CNTNAP1: variants seen among roughly 807,000 people sequenced by gnomAD.
CNTNAP1 encodes the protein contactin-associated protein 1.
A neutral mutation model predicts 161.5 loss-of-function variants in CNTNAP1; 80 were observed. That is an observed-to-expected ratio of 0.50 (90% CI 0.41 to 0.60). The LOEUF (loss-of-function observed/expected upper bound fraction) is 0.60, where lower values mean the gene tolerates loss of function less well. CNTNAP1 is among the 20% of genes least tolerant of loss of function. The pLI is 0.00. For missense variants in CNTNAP1, 1,464 were observed against 1,854.8 expected (o/e 0.79, Z 3.87); for synonymous variants, 695 against 733.1 (o/e 0.95, Z 0.84).
intron 19 of CNTNAP1, 63 bp downstream of exon 19, chr17:42,695,937 T>A: frequency 6.3e-7 from 1 of 1,596,442 alleles, no homozygotes; most frequent in African/African-American, 1.3e-5. Flanking sequence ...AATTCTCCTA[T>A]TGATTCACAA....
At chr17:42,683,703 G>T in intron 1 of CNTNAP1, 118 bp from the exon 2 acceptor site, 2 of 1,471,340 alleles carry the variant, frequency 1.4e-6, no homozygotes, top group Non-Finnish European at 1.8e-6. Context: ...GGCTGGGTGT[G>T]CCTCTGGGGG....
At chr17:42,684,668 G>A (rs1307367165) in intron 3 of CNTNAP1, among the ~76,000 whole-genome samples, 1 of 152,124 alleles carries the variant, frequency 6.6e-6, no homozygotes, top group African/African-American at 2.4e-5. Flanking sequence ...GCTCACGCCT[G>A]TAATCCCAGC....
chr17:42,691,467 C>T lies in CNTNAP1; in HGVS notation c.2300C>T (p.Ser767Phe). The T allele has an allele frequency of 6.2e-7, 1 of 1,614,128 alleles. No homozygotes were observed. The highest frequency in any genetic ancestry group is 1.1e-5 in the South Asian group (1 of 91,080). ...ATAGGGGATACGAACCGCTCCACTT[C>T]TGAGGCCCAGTTCTTCCTGAGGCCT... ...VVIGDTNRST[S>F]EAQFFLRPLR... is the part of the protein sequence containing the mutation. Residue 767 changes from serine to phenylalanine, a missense_variant, in exon 15 of 24, where the codon TCT becomes TTT. Ser to Phe is a radical substitution (Grantham distance 155). Transcript: ENST00000264638. The surrounding 1 kb of genome is among the most constrained non-coding windows in gnomAD (Gnocchi z 4.3).
chr17:42,698,778 G>C lies in CNTNAP1; in HGVS notation c.4023G>C (p.Gln1341His). The part of the protein sequence containing the change: ...KPPLPTSGPA[Q>H]VPTPTAAPNQ... Reference sequence around the variant, plus strand: ...CCCTACCCACTTCAGGCCCTGCCCAGGTCCCCACCCCTACAGCAGCTCCCA... The same window carrying C: ...CCCTACCCACTTCAGGCCCTGCCCACGTCCCCACCCCTACAGCAGCTCCCA... The change falls in exon 24 of 24, where the codon CAG (glutamine) becomes CAC (histidine). Residue 1341 changes from glutamine to histidine, a missense_variant. Transcript: ENST00000264638. 1 of 1,612,150 alleles carries C rather than the reference G, an allele frequency of 6.2e-7. No individual in the cohort carries two copies.
chr17:42,689,791 A>G (rs1308596324), intron 11 of CNTNAP1, 164 bp downstream of exon 11: 4 of 636,390 alleles, frequency 6.3e-6, no homozygotes, highest in Non-Finnish European at 1.1e-5. Flanking sequence ...CCCAGGCTAG[A>G]GTGCAGTGGT....
chr17:42,698,445 A>ATGTGTGTGTGTGTGTGTGTG (rs71276881), intron 23 of CNTNAP1, among the ~76,000 whole-genome samples, 173 bp from the exon 24 acceptor site: 2 of 139,482 alleles, frequency 1.4e-5, no homozygotes, highest in African/African-American at 5.3e-5. Flanking sequence ...CCAAAAGTAA[A>ATGTGTGTGTGTGTGTGTGTG]TGTGTGTGTG....
chr17:42,689,052 C>T lies in CNTNAP1; in HGVS notation c.1628+5C>T, dbSNP rs78630052. On this transcript the variant is annotated splice_donor_5th_base_variant and intron_variant, in intron 10 of 23. Transcript: ENST00000264638. Reference sequence around the variant, plus strand: ...TACATGTGGCATCACTGATAGGTACCCAGAAGCCCCTAACAAGAGATGACC... The same window carrying T: ...TACATGTGGCATCACTGATAGGTACTCAGAAGCCCCTAACAAGAGATGACC... 66,186 of 1,558,852 alleles carry T rather than the reference C, an allele frequency of 0.042. 1,686 individuals carry two copies. The highest frequency in any genetic ancestry group is 0.051 in the Non-Finnish European group (58,656 of 1,151,002).
chr17:42,695,020 C>T (rs1349886467), intron 18 of CNTNAP1, among the ~76,000 whole-genome samples: 1 of 152,202 alleles, frequency 6.6e-6, no homozygotes, highest in Non-Finnish European at 1.5e-5. Flanking sequence ...TCTTGGCTCA[C>T]TGCAACCTCT....
chr17:42,683,716 G>A, intron 1 of CNTNAP1, 105 bp from the exon 2 acceptor site: 1 of 1,478,444 alleles, frequency 6.8e-7, no homozygotes, highest in Non-Finnish European at 9.0e-7. Flanking sequence ...TCTGGGGGCG[G>A]GGGTTGGGGG....
chr17:42,691,604 G>A lies in CNTNAP1; in HGVS notation c.2344+93G>A. 2 of 1,556,350 alleles carry A rather than the reference G, an allele frequency of 1.3e-6. No individual in the cohort carries two copies. Among genetic ancestry groups the A allele is most frequent in the Non-Finnish European group, 1.7e-6 (2 of 1,146,258 alleles). On this transcript the variant is annotated intron_variant, in intron 15 of 23. Coordinates refer to ENST00000264638, the MANE Select transcript of CNTNAP1 (RefSeq NM_003632.3). The surrounding 1 kb of genome is among the most constrained non-coding windows in gnomAD (Gnocchi z 4.3). ...ATGTCACTGGTGGTCTCTAGCTGGG[G>A]TGCCCGACCCCCAGCTCCTGCTGTG...
Position 42,685,006 on chromosome 17 carries a change from G to C in CNTNAP1, c.379G>C (p.Val127Leu), listed in dbSNP as rs1298303462. Residue 127 changes from valine to leucine, a missense_variant, in exon 4 of 24, where the codon GTG becomes CTG. Val to Leu is a conservative substitution (Grantham distance 32). This residue lies in a region of CNTNAP1 where 1,383 missense variants were observed against 1,765.0 expected (regional missense o/e 0.78). Transcript: ENST00000264638. The surrounding 1 kb of genome is among the most constrained non-coding windows in gnomAD (Gnocchi z 5.0). ...ACCCCCGCAGACCTTCTTTGGTAACGTGAACGAGTCGGCGGTGGTGCGCCA... is the reference window on the plus strand; with the variant it reads ...ACCCCCGCAGACCTTCTTTGGTAACCTGAACGAGTCGGCGGTGGTGCGCCA... ...RGHNSTFFGNVNESAVVRHDL... is the reference protein window; with the variant it reads ...RGHNSTFFGNLNESAVVRHDL... The C allele has an allele frequency of 2.5e-6, 4 of 1,606,784 alleles. No individual in the cohort carries two copies. Among genetic ancestry groups the C allele is most frequent in the Non-Finnish European group, 3.4e-6 (4 of 1,178,068 alleles).
At position 42,688,581 on chromosome 17, in the gene CNTNAP1, A is replaced by G; in HGVS notation, c.1426A>G (p.Ile476Val). 1 of 1,614,146 alleles carries G rather than the reference A, an allele frequency of 6.2e-7. No individual in the cohort carries two copies. The highest frequency in any genetic ancestry group is 8.5e-7 in the Non-Finnish European group (1 of 1,180,020). Residue 476 changes from isoleucine to valine, a missense_variant, in exon 9 of 24, where the codon ATC becomes GTC. By Grantham distance (29) the Ile-to-Val change is conservative. Around this residue, in one of 3 missense-constraint regions of CNTNAP1, gnomAD observed 1,383 missense variants for 1,765.0 expected, o/e 0.78. Coordinates refer to ENST00000264638, the MANE Select transcript of CNTNAP1 (RefSeq NM_003632.3). Reference sequence around the variant, plus strand: ...GGTCAGGGTCTCATACCCGTTGCTGATCCGGACAGGGACCTCATATTTCTT... The same window carrying G: ...GGTCAGGGTCTCATACCCGTTGCTGGTCCGGACAGGGACCTCATATTTCTT... ...AEVRVSYPLL[I>V]RTGTSYFFGG... is the part of the protein sequence containing the mutation.
Position 42,695,463 on chromosome 17 carries a change from C to T in CNTNAP1, c.2993-58C>T, listed in dbSNP as rs1004132671. On this transcript the variant is annotated intron_variant, in intron 18 of 23. Coordinates refer to ENST00000264638, the MANE Select transcript of CNTNAP1 (RefSeq NM_003632.3). The stretch of plus-strand genomic sequence containing the variant: ...GGATGTGTGTATGGATGACATAAAA[C>T]CTCTGAATTGGGGAGTGAGCAGTGT... 7 of 1,346,530 alleles carry T rather than the reference C, an allele frequency of 5.2e-6. No homozygotes were observed. The South Asian group carries it at 6.6e-5, about 13-fold the overall frequency. The allele number at this position is 1,346,530 out of a possible 1,614,324, so 83.4% of individuals were successfully genotyped here.
chr17:42,698,579 G>C lies in CNTNAP1; in HGVS notation c.3863-39G>C, dbSNP rs2053183544. 4.0e-6 allele frequency: 6 copies of C among 1,507,072 alleles called. No individual in the cohort carries two copies. In the South Asian group the frequency reaches 7.4e-5, roughly 19 times the overall value. The allele number at this position is 1,507,072 out of a possible 1,614,324, so 93.4% of individuals were successfully genotyped here. A position where few individuals can be genotyped will look rare whatever the true frequency, so the allele number is the denominator to read the frequency against. ...TGTGTGTGTGTGTGTATACAGGTGA[G>C]ATCCCAAAGATCTGAATTGTCCCTT... On this transcript the variant is annotated intron_variant, in intron 23 of 23. Coordinates refer to ENST00000264638, the MANE Select transcript of CNTNAP1 (RefSeq NM_003632.3).
intron 1 of CNTNAP1, 106 bp downstream of exon 1, chr17:42,683,002 C>A: frequency 9.5e-7 from 1 of 1,054,906 alleles, no homozygotes; most frequent in African/African-American, 1.6e-5. Flanking sequence ...CCTTCCCGGC[C>A]GGCGCGCGCC....
rs9897515 is a variant in CNTNAP1, at chr17:42,696,750, G to A, written c.3475-524G>A. Among the ~76,000 whole-genome samples, 1,499 of 152,234 alleles carry A rather than the reference G, an allele frequency of 9.8e-3. 33 individuals are homozygous for A. Among genetic ancestry groups the A allele is most frequent in the African/African-American group, 0.034 (1,428 of 41,520 alleles). On this transcript the variant is annotated intron_variant, in intron 20 of 23. Coordinates refer to ENST00000264638, the MANE Select transcript of CNTNAP1 (RefSeq NM_003632.3). ...GAACCTGGGAGGTGGAGGTTGCAGT[G>A]AGCTGAGATCGTGCCACTGCACTCC... is the stretch of plus-strand genomic sequence containing the variant.
At chr17:42,692,129 T>C in intron 16 of CNTNAP1, 138 bp downstream of exon 16, 1 of 917,776 alleles carries the variant, frequency 1.1e-6, no homozygotes, top group East Asian at 2.5e-5. Context: ...CCCTATGTTC[T>C]AGCCCTCACT....
intron 18 of CNTNAP1, among the ~76,000 whole-genome samples, chr17:42,694,575 A>G (rs2053130388): frequency 6.6e-6 from 1 of 150,716 alleles, no homozygotes; most frequent in Non-Finnish European, 1.5e-5. Context: ...GGCTGCAGTG[A>G]GCTATGATCG....
At chr17:42,684,707 C>T (rs1023576549) in intron 3 of CNTNAP1, among the ~76,000 whole-genome samples, 4 of 151,728 alleles carry the variant, frequency 2.6e-5, no homozygotes, top group African/African-American at 7.3e-5. Flanking sequence ...AGGTGGATCA[C>T]GAGGTCAGGA....
Sources: gnomAD v4.1 joint callset for allele counts (sites outside exome capture counted in the v4.1 genomes callset) on GRCh38, gnomAD v4.1.1 for gene constraint, gnomAD v4.1.1 regional missense constraint, Gnocchi (gnomAD v3.1) non-coding constraint, MANE v1.5 for transcripts, NCBI Gene and HGNC (gene_info 2026-07-23, HGNC 2026-07-21) for gene names.